The following KCNH5 variants were observed in gnomAD, a reference collection of about 807,000 sequenced individuals.
KCNH5 encodes the protein voltage-gated delayed rectifier potassium channel KCNH5.
In KCNH5, 46 loss-of-function variants were observed where a neutral mutation model predicts 96.1. That is an observed-to-expected ratio of 0.48 (90% CI 0.38 to 0.61). The LOEUF is 0.61. Among genes scored for constraint, KCNH5 ranks in the 20% least tolerant of loss-of-function variants. KCNH5 has a pLI of 0.00. For missense variants in KCNH5, 907 were observed against 1,225.8 expected (o/e 0.74, Z 3.88); for synonymous variants, 439 against 449.8 (o/e 0.98, Z 0.30).
chr14:62,773,678 T>C (rs978137586), intron 10 of KCNH5, among the ~76,000 whole-genome samples: 3 of 152,326 alleles, frequency 2.0e-5, no homozygotes, highest in African/African-American at 7.2e-5. Context: ...GAGAAAAATA[T>C]GTTCTTGCTA....
chr14:62,888,631 C>A (rs1188665672), intron 7 of KCNH5, among the ~76,000 whole-genome samples: 5 of 152,032 alleles, frequency 3.3e-5, no homozygotes, highest in African/African-American at 4.8e-5. Flanking sequence ...ACTCAGATAA[C>A]TGTATTAGAT....
At chr14:62,857,379 G>T (rs1887950142) in intron 7 of KCNH5, among the ~76,000 whole-genome samples, 2 of 152,152 alleles carry the variant, frequency 1.3e-5, no homozygotes, top group African/African-American at 4.8e-5. Context: ...ATCCTTCTAT[G>T]ATAGTTATTC....
Position 63,013,125 on chromosome 14 carries a change from C to A in KCNH5, c.197+3706G>T, listed in dbSNP as rs111860926. On this transcript the variant is annotated intron_variant, in intron 2 of 10. Transcript: ENST00000322893. ...CCAATGTGGGAGGGGTTGAGAAGGA[C>A]AAAGAAGAAAAAAGATAAGAAAACA... Among the ~76,000 whole-genome samples, 213 of 151,456 alleles carry A rather than the reference C, an allele frequency of 1.4e-3. 1 individual carries two copies. The highest frequency in any genetic ancestry group is 5.0e-3 in the African/African-American group (208 of 41,298).
intron 6 of KCNH5, among the ~76,000 whole-genome samples, chr14:62,951,201 C>T (rs958040781): frequency 4.0e-5 from 6 of 148,942 alleles, no homozygotes; most frequent in African/African-American, 1.6e-4. Context: ...CTATCCTATC[C>T]ATTCTCTAGC....
chr14:62,802,741 G>A (rs1329381561), intron 8 of KCNH5, among the ~76,000 whole-genome samples, 160 bp from the exon 9 acceptor site: 3 of 152,294 alleles, frequency 2.0e-5, no homozygotes, highest in South Asian at 2.1e-4. Context: ...ACACAGCTCC[G>A]CTCTCAAGGA....
chr14:62,980,840 C>G, intron 6 of KCNH5, 32 bp downstream of exon 6: 1 of 1,604,020 alleles, frequency 6.2e-7, no homozygotes. Flanking sequence ...ATATGACCCA[C>G]AGTACTCAGA....
chr14:62,706,120 C>A lies in KCNH5; in HGVS notation c.*1388G>T, dbSNP rs937941099. The A allele has an allele frequency of 6.6e-6, 1 of 152,030 alleles. No homozygotes were observed. The highest frequency in any genetic ancestry group is 1.5e-5 in the Non-Finnish European group (1 of 67,934). The allele number at this position is 152,030 out of a possible 1,614,324, so 9.4% of individuals were successfully genotyped here. On this transcript the variant is annotated 3_prime_UTR_variant, in exon 11 of 11. Transcript: ENST00000322893. ...TTTAAGGGACTAGCTATATACAGGA[C>A]AACTCTTTGTGACTTTTTTTAAAAA...
intron 7 of KCNH5, among the ~76,000 whole-genome samples, chr14:62,945,014 T>C (rs988307533): frequency 1.3e-5 from 2 of 152,020 alleles, no homozygotes; most frequent in African/African-American, 4.8e-5. Flanking sequence ...AAACAGGAAC[T>C]TCAGAAAATG....
At chr14:62,779,957 T>TCTTATACTGTTATACTTATA in intron 9 of KCNH5, 33 bp from the exon 10 acceptor site, 1 of 1,535,040 alleles carries the variant, frequency 6.5e-7, no homozygotes, top group Non-Finnish European at 8.9e-7. Context: ...TATTCAAGTA[T>TCTTATACTGTTATACTTATA]CTAACACTGT....
intron 2 of KCNH5, among the ~76,000 whole-genome samples, chr14:63,007,441 A>T (rs1891147686): frequency 6.6e-6 from 1 of 152,190 alleles, no homozygotes; most frequent in Non-Finnish European, 1.5e-5. Flanking sequence ...TTTTAAGAAG[A>T]AATAAAACAC....
At chr14:62,853,387 C>T (rs1444137732) in intron 7 of KCNH5, among the ~76,000 whole-genome samples, 2 of 143,290 alleles carry the variant, frequency 1.4e-5, no homozygotes, top group African/African-American at 2.6e-5. Context: ...AGTCTAGTAG[C>T]GACTAGGTAT....
intron 7 of KCNH5, among the ~76,000 whole-genome samples, chr14:62,898,408 A>T (rs1279065659): frequency 1.2e-4 from 19 of 152,180 alleles, no homozygotes; most frequent in Non-Finnish European, 2.5e-4. Context: ...AATCGCTGAA[A>T]TAATAGACTT....
chr14:62,858,243 T>C (rs1164443153), intron 7 of KCNH5, among the ~76,000 whole-genome samples: 1 of 152,228 alleles, frequency 6.6e-6, no homozygotes, highest in Non-Finnish European at 1.5e-5. Context: ...GTAGTCCTTT[T>C]GCCTTCAGCA....
rs1191188601 is a variant in KCNH5 at position 62,703,536 on chromosome 14, C to G, written c.*3972G>C. On this transcript the variant is annotated 3_prime_UTR_variant, in exon 11 of 11. Transcript: ENST00000322893. ...CGGGGAAATGGTACCATTTGGTACA[C>G]TAGGAAAGGTTAACTTGCCCATAAT... 1 of 151,728 alleles carries G rather than the reference C, an allele frequency of 6.6e-6. No homozygotes were observed. The highest frequency in any genetic ancestry group is 1.5e-5 in the Non-Finnish European group (1 of 67,748). 9.4% of individuals were successfully genotyped at this position (151,728 alleles called of 1,614,324 possible).
At chr14:62,902,157 T>C (rs1888939571) in intron 7 of KCNH5, among the ~76,000 whole-genome samples, 1 of 152,176 alleles carries the variant, frequency 6.6e-6, no homozygotes, top group African/African-American at 2.4e-5. Flanking sequence ...TCCCATTATG[T>C]AGGCTGCCAC....
chr14:62,946,945 T>C (rs1281057093), intron 7 of KCNH5, among the ~76,000 whole-genome samples: 2 of 152,140 alleles, frequency 1.3e-5, no homozygotes, highest in Admixed American at 6.6e-5. Context: ...GTAGGTTACA[T>C]ATAAAAGACA....
chr14:62,859,344 TC>T (rs372600955), intron 7 of KCNH5, among the ~76,000 whole-genome samples: 34 of 152,174 alleles, frequency 2.2e-4, no homozygotes, highest in African/African-American at 7.2e-4. Context: ...ATGCATAACC[TC>T]CATCCCTGCC....
intron 8 of KCNH5, among the ~76,000 whole-genome samples, chr14:62,808,933 C>T (rs1345716735): frequency 6.6e-6 from 1 of 151,988 alleles, no homozygotes; most frequent in Non-Finnish European, 1.5e-5. Flanking sequence ...GTTTCTAATA[C>T]CTTTGGAAAT....
rs111265844 is a variant in KCNH5, at chr14:62,861,633, CA to C, written c.1370-11782del. The stretch of plus-strand genomic sequence containing the variant: ...AAGGCACATTTCCCCCCACCATCTC[CA>C]TTTACACACACACACACACACACAC... On this transcript the variant is annotated intron_variant, in intron 7 of 10. Transcript: ENST00000322893. Among the ~76,000 whole-genome samples, 36 of 128,706 alleles carry C rather than the reference CA, an allele frequency of 2.8e-4. 3 individuals carry two copies. The highest frequency in any genetic ancestry group is 9.7e-4 in the African/African-American group (31 of 31,986). The allele number at this position is 128,706 out of a possible 152,430, so 84.4% of individuals were successfully genotyped here.
Sources: gnomAD v4.1 joint callset for allele counts (sites outside exome capture counted in the v4.1 genomes callset) on GRCh38, gnomAD v4.1.1 for gene constraint, MANE v1.5 for transcripts, NCBI Gene and HGNC (gene_info 2026-07-23, HGNC 2026-07-21) for gene names.